Variants in ERBB4 observed in about 807,000 individuals in gnomAD.
ERBB4 encodes the protein receptor tyrosine-protein kinase erbB-4.
In ERBB4, 42 loss-of-function variants were observed where a neutral mutation model predicts 158.0. The ratio of observed to expected loss-of-function variants is 0.27; its 90% CI spans 0.21 to 0.34. The LOEUF (loss-of-function observed/expected upper bound fraction) is 0.34, where lower values mean the gene tolerates loss of function less well. Ranked by LOEUF, ERBB4 falls within the 10% of genes least tolerant of loss-of-function variation. ERBB4 has a pLI of 1.00. For missense variants in ERBB4, 1,333 were observed against 1,624.1 expected, an observed-to-expected ratio of 0.82 and a Z score of 3.08; for synonymous variants, 583 against 558.7, an observed-to-expected ratio of 1.04 and a Z score of -0.61.
At chr2:211,631,263 C>T (rs1473551557) in intron 16 of ERBB4, among the ~76,000 whole-genome samples, 1 of 152,056 alleles carries the variant, frequency 6.6e-6, no homozygotes, top group Non-Finnish European at 1.5e-5. Flanking sequence ...CATAGAAACC[C>T]CACACCTCTG....
chr2:212,394,792 T>C (rs1391016858), intron 1 of ERBB4, among the ~76,000 whole-genome samples: 1 of 152,084 alleles, frequency 6.6e-6, no homozygotes, highest in Admixed American at 6.6e-5. Flanking sequence ...GAAAACTGAA[T>C]TGAAAAAATA....
intron 2 of ERBB4, among the ~76,000 whole-genome samples, chr2:212,114,298 C>G (rs530469893): frequency 3.2e-4 from 48 of 152,198 alleles, no homozygotes; most frequent in African/African-American, 1.1e-3. Flanking sequence ...AGAACTTAGC[C>G]AGCACATGAA....
intron 1 of ERBB4, among the ~76,000 whole-genome samples, chr2:212,400,926 A>T (rs549635631): frequency 1.2e-4 from 19 of 152,332 alleles, no homozygotes; most frequent in Middle Eastern, 3.4e-3. Flanking sequence ...GCATGTATAT[A>T]GTACAACCTA....
chr2:211,523,530 C>T (rs947950259), intron 20 of ERBB4, among the ~76,000 whole-genome samples: 1 of 151,684 alleles, frequency 6.6e-6, no homozygotes, highest in Non-Finnish European at 1.5e-5. Context: ...TTCGGAGTTT[C>T]GTCCTTCTGG....
In ERBB4 at chr2:212,256,808, A is replaced by G. The variant is rs565300111; in HGVS notation, c.83-131905T>C. Among the ~76,000 whole-genome samples the G allele has an allele frequency of 9.2e-5, 14 of 152,302 alleles. No homozygotes were observed. In the East Asian group the frequency reaches 2.5e-3, roughly 27 times the overall value. On this transcript the variant is annotated intron_variant, in intron 1 of 27. Transcript: ENST00000342788. ...ATGAGTGAACTAATAAAGTTAGTAA[A>G]TTTCCCAGATAAAATATTTTTCTTT...
In ERBB4 at chr2:211,944,199, ACTAT is replaced by A. The variant is rs762401794; in HGVS notation, c.421+3227_421+3230del. On this transcript the variant is annotated intron_variant, in intron 3 of 27. Coordinates refer to ENST00000342788, the MANE Select transcript of ERBB4 (RefSeq NM_005235.3). ...ATACTATATATATATATATATATAT[ACTAT>A]ATATATATATACACACACACACAAA... Among the ~76,000 whole-genome samples the A allele has an allele frequency of 1.2e-3, 127 of 107,858 alleles. 4 individuals are homozygous for A. The highest frequency in any genetic ancestry group is 4.2e-3 in the African/African-American group (113 of 27,024). 70.8% of individuals were successfully genotyped at this position (107,858 alleles called of 152,430 possible). A position where few individuals can be genotyped will look rare whatever the true frequency, so the allele number is the denominator to read the frequency against.
At chr2:212,154,599 C>A (rs981823631) in intron 1 of ERBB4, among the ~76,000 whole-genome samples, 1 of 152,118 alleles carries the variant, frequency 6.6e-6, no homozygotes, top group African/African-American at 2.4e-5. Context: ...CACTGCAAAC[C>A]GTCCTTGATA....
intron 27 of ERBB4, among the ~76,000 whole-genome samples, chr2:211,386,232 A>G (rs1260502397): frequency 6.6e-6 from 1 of 152,228 alleles, no homozygotes; most frequent in Non-Finnish European, 1.5e-5. Context: ...TTCTACTACT[A>G]ACTTTACAAA....
intron 19 of ERBB4, among the ~76,000 whole-genome samples, chr2:211,565,566 A>G (rs991534335): frequency 1.3e-5 from 2 of 152,158 alleles, no homozygotes; most frequent in African/African-American, 4.8e-5. Context: ...TTGTCAAAGT[A>G]TTTCACTTTT....
At chr2:211,824,414 G>C (rs1313279560) in intron 3 of ERBB4, among the ~76,000 whole-genome samples, 2 of 151,914 alleles carry the variant, frequency 1.3e-5, no homozygotes, top group Non-Finnish European at 2.9e-5. Flanking sequence ...AAATAATTCA[G>C]GCAAGCAAAG....
At chr2:212,240,774 T>A (rs2084073391) in intron 1 of ERBB4, among the ~76,000 whole-genome samples, 1 of 151,998 alleles carries the variant, frequency 6.6e-6, no homozygotes, top group Admixed American at 6.6e-5. Flanking sequence ...TCAGTAATAT[T>A]TGTCCACAAC....
intron 1 of ERBB4, among the ~76,000 whole-genome samples, chr2:212,133,417 GTTTTTGT>G (rs2080171370): frequency 1.5e-5 from 2 of 135,510 alleles, no homozygotes; most frequent in African/African-American, 6.2e-5. Context: ...GTTTTGTTTT[GTTTTTGT>G]TTTTTTTTTT....
At chr2:212,533,754 G>T (rs1399133812) in intron 1 of ERBB4, among the ~76,000 whole-genome samples, 1 of 152,122 alleles carries the variant, frequency 6.6e-6, no homozygotes. Context: ...ATGGTGAAAT[G>T]TAACATAATA....
At chr2:211,462,748 T>G (rs1245853521) in intron 20 of ERBB4, among the ~76,000 whole-genome samples, 1 of 152,160 alleles carries the variant, frequency 6.6e-6, no homozygotes, top group African/African-American at 2.4e-5. Context: ...TGCAACAAAC[T>G]ATTTAAGTGA....
At chr2:212,208,564 A>G (rs1045785598) in intron 1 of ERBB4, among the ~76,000 whole-genome samples, 1 of 152,182 alleles carries the variant, frequency 6.6e-6, no homozygotes, top group Non-Finnish European at 1.5e-5. Context: ...GATAGGGAAG[A>G]AACTTCACTA....
chr2:211,659,760 A>C (rs1158362975), intron 15 of ERBB4, among the ~76,000 whole-genome samples: 1 of 152,224 alleles, frequency 6.6e-6, no homozygotes, highest in Admixed American at 6.5e-5. Context: ...TAGAGGGAGA[A>C]AAAAAGATGA....
intron 1 of ERBB4, among the ~76,000 whole-genome samples, chr2:212,479,791 A>G (rs1170045921): frequency 6.6e-6 from 1 of 152,190 alleles, no homozygotes; most frequent in Non-Finnish European, 1.5e-5. Flanking sequence ...CATTAGCTCT[A>G]AAACTGGCAA....
rs180759216 is a variant in ERBB4, at chr2:211,753,516, A to G, written c.557-2812T>C. ...TGTTCACCCTCTATGAGTTTAAGGGAAAAAGTCAGTAAATCTAAATTTTTA... is the reference window on the plus strand; with the variant it reads ...TGTTCACCCTCTATGAGTTTAAGGGGAAAAGTCAGTAAATCTAAATTTTTA... On this transcript the variant is annotated intron_variant, in intron 4 of 27. Transcript: ENST00000342788. 7.4e-3 allele frequency among the ~76,000 whole-genome samples: 1,125 copies of G among 152,122 alleles called. 19 individuals carry two copies. The highest frequency in any genetic ancestry group is 0.048 in the Middle Eastern group (14 of 294).
chr2:211,911,383 A>T (rs2079537741), intron 3 of ERBB4, among the ~76,000 whole-genome samples: 1 of 152,022 alleles, frequency 6.6e-6, no homozygotes, highest in Non-Finnish European at 1.5e-5. Context: ...CCTTCCACTC[A>T]TCTTCTAGAG....
Sources: allele counts gnomAD v4.1 joint callset (sites outside exome capture counted in the v4.1 genomes callset), GRCh38; gene constraint gnomAD v4.1.1; transcripts MANE v1.5; gene names NCBI Gene and HGNC (gene_info 2026-07-23, HGNC 2026-07-21).